Variants in EYA4 observed in about 807,000 individuals in gnomAD.
The protein encoded by EYA4 is EYA transcriptional coactivator and phosphatase 4, also known as protein phosphatase EYA4.
EYA4 carries 31 observed loss-of-function variants against 87.9 expected under a neutral mutation model. The ratio of observed to expected loss-of-function variants is 0.35; its 90% CI spans 0.27 to 0.48. The LOEUF is 0.48. Among genes scored for constraint, EYA4 ranks in the 20% least tolerant of loss-of-function variants. The probability of loss-of-function intolerance (pLI) is 0.99; values close to 1 mark genes in which losing one functional copy is unlikely to be tolerated. For missense variants in EYA4, 678 were observed against 761.4 expected, an observed-to-expected ratio of 0.89 and a Z score of 1.29; for synonymous variants, 263 against 270.6, an observed-to-expected ratio of 0.97 and a Z score of 0.28.
At position 133,506,126 on chromosome 6, in the gene EYA4, C is replaced by A. The variant is rs796327130; in HGVS notation, c.1212C>A (p.Thr404=). The part of the protein sequence containing the change: ...KYGKDPPMAV[T]LGLRMEEMIF... ...TACAGGATCCCCCCATGGCTGTAACCCTTGGACTCCGCATGGAAGAAATGA... is the reference window on the plus strand; with the variant it reads ...TACAGGATCCCCCCATGGCTGTAACACTTGGACTCCGCATGGAAGAAATGA... Residue 404 remains threonine (T), a synonymous_variant, in exon 14 of 20, where the codon ACC becomes ACA. Coordinates refer to ENST00000355286, the MANE Select transcript of EYA4 (RefSeq NM_004100.5). The A allele has an allele frequency of 1.9e-6, 3 of 1,610,154 alleles. No homozygotes were observed. Among genetic ancestry groups the A allele is most frequent in the Non-Finnish European group, 2.5e-6 (3 of 1,176,634 alleles).
intron 2 of EYA4, among the ~76,000 whole-genome samples, chr6:133,372,890 G>A (rs1303308464): frequency 6.6e-6 from 1 of 151,806 alleles, no homozygotes; most frequent in Non-Finnish European, 1.5e-5. Context: ...AAGTTATGGT[G>A]ATACTATTGG....
intron 2 of EYA4, among the ~76,000 whole-genome samples, chr6:133,346,185 T>C (rs988334420): frequency 1.3e-5 from 2 of 152,236 alleles, no homozygotes; most frequent in African/African-American, 2.4e-5. Flanking sequence ...TTGAGTTATG[T>C]CATCTGTATG....
chr6:133,370,575 G>A (rs1354155975), intron 2 of EYA4, among the ~76,000 whole-genome samples: 2 of 152,170 alleles, frequency 1.3e-5, no homozygotes, highest in Middle Eastern at 3.2e-3. Flanking sequence ...ATTACATTAT[G>A]TTAATGTTGG....
At chr6:133,438,183 G>T (rs865958251) in intron 3 of EYA4, among the ~76,000 whole-genome samples, 1 of 151,964 alleles carries the variant, frequency 6.6e-6, no homozygotes, top group Non-Finnish European at 1.5e-5. Flanking sequence ...TTAGTTGCAA[G>T]AAACATTGAC....
chr6:133,344,553 A>G (rs570543223), intron 2 of EYA4, among the ~76,000 whole-genome samples: 1 of 152,302 alleles, frequency 6.6e-6, no homozygotes, highest in African/African-American at 2.4e-5. Flanking sequence ...GAACTGATCC[A>G]TTGTAGGTAA....
intron 12 of EYA4, among the ~76,000 whole-genome samples, chr6:133,481,909 T>C (rs1457634354): frequency 1.4e-4 from 21 of 152,254 alleles, no homozygotes; most frequent in Non-Finnish European, 2.9e-5. Flanking sequence ...GTTTGTGGGA[T>C]ACTTTTCTAT....
intron 17 of EYA4, 53 bp downstream of exon 17, chr6:133,515,488 A>C: frequency 9.6e-7 from 1 of 1,044,594 alleles, no homozygotes; most frequent in South Asian, 1.3e-5. Context: ...TTTAGTTCTA[A>C]TTGTACAACA....
chr6:133,420,987 C>T (rs910690333), intron 3 of EYA4, among the ~76,000 whole-genome samples: 3 of 152,236 alleles, frequency 2.0e-5, no homozygotes, highest in African/African-American at 7.2e-5. Flanking sequence ...ACTACTGTTA[C>T]TGTAGCCTGC....
At position 133,274,804 on chromosome 6, in the gene EYA4, T is replaced by G. The variant is rs1777028797; in HGVS notation, c.24T>G (p.Asn8Lys). Residue 8 changes from asparagine to lysine, a missense_variant, in exon 2 of 20, where the codon AAT (asparagine) becomes AAG (lysine). Asn to Lys is a moderately conservative substitution (Grantham distance 94). Coordinates refer to ENST00000355286, the MANE Select transcript of EYA4 (RefSeq NM_004100.5). ...ACATGGAAGACTCCCAGGATTTAAA[T>G]GAACAATCAGTAAGTCTTCATTCTC... MEDSQDLNEQSVKKTCTE... is the reference protein window; with the variant it reads MEDSQDLKEQSVKKTCTE... The G allele has an allele frequency of 6.2e-7, 1 of 1,613,724 alleles. No individual in the cohort carries two copies. The highest frequency in any genetic ancestry group is 8.5e-7 in the Non-Finnish European group (1 of 1,179,740).
At chr6:133,265,207 T>G (rs1342253090) in intron 1 of EYA4, among the ~76,000 whole-genome samples, 2 of 152,052 alleles carry the variant, frequency 1.3e-5, no homozygotes, top group African/African-American at 2.4e-5. Context: ...GTCTATATAT[T>G]GAAAACTGCA....
chr6:133,368,238 G>A (rs1269866732), intron 2 of EYA4, among the ~76,000 whole-genome samples: 6 of 152,050 alleles, frequency 3.9e-5, no homozygotes, highest in Admixed American at 2.0e-4. Flanking sequence ...TTGTTTTCAC[G>A]TTTATATTTA....
At chr6:133,301,304 A>G (rs1169693915) in intron 2 of EYA4, among the ~76,000 whole-genome samples, 1 of 152,232 alleles carries the variant, frequency 6.6e-6, no homozygotes, top group Non-Finnish European at 1.5e-5. Flanking sequence ...ACATTATATG[A>G]TTGTATTAAT....
In EYA4 at chr6:133,258,607, T is replaced by C. The variant is rs142694607; in HGVS notation, c.-65-16109T>C. ...TGCCCTCCTCCCCTTCTATAGAGAG[T>C]TTAGTGGGCAACTTTTTTGGCTTGT... On this transcript the variant is annotated intron_variant, in intron 1 of 19. Coordinates refer to ENST00000355286, the MANE Select transcript of EYA4 (RefSeq NM_004100.5). Among the ~76,000 whole-genome samples the C allele has an allele frequency of 2.0e-3, 297 of 152,048 alleles. 1 individual carries two copies. Among genetic ancestry groups the C allele is most frequent in the Admixed American group, 3.4e-3 (52 of 15,274 alleles).
chr6:133,280,443 G>A (rs1345848141), intron 2 of EYA4, among the ~76,000 whole-genome samples: 1 of 151,656 alleles, frequency 6.6e-6, no homozygotes, highest in African/African-American at 2.4e-5. Context: ...GTCTTGCTCT[G>A]TTGAGTACGG....
In EYA4 at chr6:133,525,211, T is replaced by C; in HGVS notation, c.1796T>C (p.Val599Ala). The C allele has an allele frequency of 1.2e-6, 2 of 1,613,702 alleles. No individual in the cohort carries two copies. Among genetic ancestry groups the C allele is most frequent in the Non-Finnish European group, 1.7e-6 (2 of 1,179,754 alleles). ...MQRFGRKVVY[V>A]VIGDGVEEEQ... ...AGGTTTGGCAGAAAAGTAGTGTATG[T>C]TGTAATTGGGGATGGTGTAGAAGAA... Residue 599 changes from valine to alanine, a missense_variant, in exon 19 of 20, where the codon GTT becomes GCT. By Grantham distance (64) the Val-to-Ala change is moderately conservative (BLOSUM62 0). Transcript: ENST00000355286.
At chr6:133,271,081 C>G (rs1371388250) in intron 1 of EYA4, among the ~76,000 whole-genome samples, 1 of 152,154 alleles carries the variant, frequency 6.6e-6, no homozygotes, top group Non-Finnish European at 1.5e-5. Context: ...TAGTGAATCA[C>G]TAGGGGTGAT....
intron 3 of EYA4, among the ~76,000 whole-genome samples, chr6:133,399,615 T>A (rs1017176818): frequency 6.6e-6 from 1 of 152,212 alleles, no homozygotes; most frequent in Non-Finnish European, 1.5e-5. Context: ...TAAGTAGTTA[T>A]ATGGCATTGA....
intron 2 of EYA4, among the ~76,000 whole-genome samples, chr6:133,294,050 TA>T (rs1778733171): frequency 1.1e-5 from 1 of 90,996 alleles, no homozygotes; most frequent in Non-Finnish European, 2.4e-5. Context: ...TATATATATA[TA>T]TATATATATA....
intron 1 of EYA4, among the ~76,000 whole-genome samples, chr6:133,257,295 T>C (rs1775413831): frequency 6.6e-6 from 1 of 152,172 alleles, no homozygotes; most frequent in Admixed American, 6.6e-5. Context: ...TTCCTGACTT[T>C]ACCATATAAA....
Sources: gnomAD v4.1 joint callset for allele counts (sites outside exome capture counted in the v4.1 genomes callset) on GRCh38, gnomAD v4.1.1 for gene constraint, MANE v1.5 for transcripts, NCBI Gene and HGNC (gene_info 2026-07-23, HGNC 2026-07-21) for gene names.